GNAI1: variants seen among roughly 807,000 people sequenced by gnomAD.
GNAI1 encodes the protein guanine nucleotide-binding protein G(i) subunit alpha-1.
A neutral mutation model predicts 38.9 loss-of-function variants in GNAI1; 11 were observed. The observed-to-expected ratio is 0.28, with a 90% CI of 0.18 to 0.47. The LOEUF (loss-of-function observed/expected upper bound fraction) is 0.47. GNAI1 is among the 20% of genes least tolerant of loss of function. GNAI1 has a pLI of 0.99. For synonymous variants in GNAI1, 166 were observed against 145.1 expected (o/e 1.14, Z -1.04); for missense variants, 317 against 436.9 (o/e 0.73, Z 2.45).
chr7:80,221,658 T>G lies in GNAI1; in HGVS notation c.*4165T>G, dbSNP rs1023139223. 4.4e-5 allele frequency among the ~76,000 whole-genome samples: 6 copies of G among 135,676 alleles called. No homozygotes were observed. Among genetic ancestry groups the G allele is most frequent in the Non-Finnish European group, 9.7e-5 (6 of 61,826 alleles). 89.0% of individuals were successfully genotyped at this position (135,676 alleles called of 152,430 possible). A position where few individuals can be genotyped will look rare whatever the true frequency, so the allele number is the denominator to read the frequency against. Reference sequence around the variant, plus strand: ...TTTCTTTTTTTTTTTTTTTTTTTTTTTTTGGTATGGAGTCTTGCTCCTTCA... The same window carrying G: ...TTTCTTTTTTTTTTTTTTTTTTTTTGTTTGGTATGGAGTCTTGCTCCTTCA... On this transcript the variant is annotated 3_prime_UTR_variant, in exon 8 of 8. Coordinates refer to ENST00000649796, the MANE Select transcript of GNAI1 (RefSeq NM_002069.6).
chr7:80,183,922 G>A (rs1340995937), intron 1 of GNAI1, among the ~76,000 whole-genome samples: 2 of 152,252 alleles, frequency 1.3e-5, no homozygotes, highest in Admixed American at 1.3e-4. Flanking sequence ...GTAGGCTGCT[G>A]TATGTTTGAG....
intron 1 of GNAI1, among the ~76,000 whole-genome samples, chr7:80,160,761 G>A (rs1249332957): frequency 6.6e-6 from 1 of 152,052 alleles, no homozygotes; most frequent in African/African-American, 2.4e-5. Flanking sequence ...ATTAAGGAGA[G>A]TATTTTGGTA....
intron 1 of GNAI1, among the ~76,000 whole-genome samples, chr7:80,146,704 A>G (rs1388504662): frequency 1.3e-5 from 2 of 152,158 alleles, no homozygotes; most frequent in Non-Finnish European, 2.9e-5. Flanking sequence ...AGTCCATCTC[A>G]GAGTCCTAGA....
At chr7:80,139,552 A>G (rs542410161) in intron 1 of GNAI1, among the ~76,000 whole-genome samples, 85 of 152,266 alleles carry the variant, frequency 5.6e-4, no homozygotes, top group African/African-American at 1.7e-3. Context: ...GAATTTTTGT[A>G]GGTTTTCTTT....
intron 1 of GNAI1, among the ~76,000 whole-genome samples, chr7:80,183,244 A>G (rs772682375): frequency 1.4e-4 from 21 of 152,230 alleles, no homozygotes; most frequent in Non-Finnish European, 2.9e-4. Flanking sequence ...TTCAACAGGG[A>G]GAATTGAACG....
At chr7:80,178,879 A>G (rs1788241962) in intron 1 of GNAI1, among the ~76,000 whole-genome samples, 1 of 152,224 alleles carries the variant, frequency 6.6e-6, no homozygotes, top group Non-Finnish European at 1.5e-5. Flanking sequence ...AGAAGTTACC[A>G]CTTCTCAAAT....
In GNAI1 at chr7:80,222,382, A is replaced by ATTTTTTTTTTTTTTT. The variant is rs67345654; in HGVS notation, c.*4894_*4908dup. Reference sequence around the variant, plus strand: ...TGAAGGAGCTAGTTCTTCAAATTTAATTTTTTTTTTTTTTTTTTTCCTGAG... The same window carrying ATTTTTTTTTTTTTTT: ...TGAAGGAGCTAGTTCTTCAAATTTAATTTTTTTTTTTTTTTTTTTTTTTTTTTTTTTTTTCCTGAG... On this transcript the variant is annotated 3_prime_UTR_variant, in exon 8 of 8. Coordinates refer to ENST00000649796, the MANE Select transcript of GNAI1 (RefSeq NM_002069.6). Among the ~76,000 whole-genome samples the ATTTTTTTTTTTTTTT allele has an allele frequency of 7.8e-6, 1 of 127,874 alleles. No homozygotes were observed. 83.9% of individuals were successfully genotyped at this position (127,874 alleles called of 152,430 possible). A position where few individuals can be genotyped will look rare whatever the true frequency, so the allele number is the denominator to read the frequency against.
intron 1 of GNAI1, among the ~76,000 whole-genome samples, chr7:80,185,683 T>C (rs1788374218): frequency 6.6e-6 from 1 of 152,152 alleles, no homozygotes; most frequent in South Asian, 2.1e-4. Flanking sequence ...CATATTGACT[T>C]GGCATGCACA....
At chr7:80,202,776 A>C (rs567819141) in intron 4 of GNAI1, among the ~76,000 whole-genome samples, 1 of 152,318 alleles carries the variant, frequency 6.6e-6, no homozygotes, top group East Asian at 1.9e-4. Flanking sequence ...AGCTGACCTT[A>C]GGACTCATTC....
At chr7:80,201,585 A>T (rs905955561) in intron 4 of GNAI1, among the ~76,000 whole-genome samples, 12 of 152,076 alleles carry the variant, frequency 7.9e-5, no homozygotes, top group African/African-American at 2.7e-4. Flanking sequence ...TTTAGCCAGC[A>T]TGGTGGCCCA....
intron 1 of GNAI1, among the ~76,000 whole-genome samples, chr7:80,160,865 G>GA (rs767142622): frequency 5.0e-4 from 75 of 150,678 alleles, no homozygotes; most frequent in African/African-American, 1.7e-3. Flanking sequence ...CTAATTTTTA[G>GA]AAAAAAAAAT....
chr7:80,204,245 A>G (rs1788735086), intron 5 of GNAI1, among the ~76,000 whole-genome samples: 1 of 151,966 alleles, frequency 6.6e-6, no homozygotes, highest in Non-Finnish European at 1.5e-5. Flanking sequence ...ACCTTTAACA[A>G]TTTTTTCGTG....
At chr7:80,169,781 A>G (rs1473223136) in intron 1 of GNAI1, among the ~76,000 whole-genome samples, 2 of 152,198 alleles carry the variant, frequency 1.3e-5, no homozygotes, top group Non-Finnish European at 2.9e-5. Flanking sequence ...CAATTTTGGA[A>G]TATTTATATT....
chr7:80,165,084 G>T (rs1787990314), intron 1 of GNAI1, among the ~76,000 whole-genome samples: 1 of 152,096 alleles, frequency 6.6e-6, no homozygotes, highest in Non-Finnish European at 1.5e-5. Flanking sequence ...GAAGGGAATT[G>T]ATTTAGGCTG....
At chr7:80,178,856 T>C (rs1788241611) in intron 1 of GNAI1, among the ~76,000 whole-genome samples, 1 of 152,198 alleles carries the variant, frequency 6.6e-6, no homozygotes, top group South Asian at 2.1e-4. Context: ...TTCTACACTG[T>C]AATCAAACTT....
rs2115738559 is a variant in GNAI1, at chr7:80,220,919, A to T, written c.*3426A>T. 6.6e-6 allele frequency among the ~76,000 whole-genome samples: 1 copy of T among 152,308 alleles called. No homozygotes were observed. The highest frequency in any genetic ancestry group is 2.1e-4 in the South Asian group (1 of 4,830). ...TGAGCCATAATAGTTTTTCAGATTT[A>T]AAAAAGGAGATACTTATTAATGTCT... On this transcript the variant is annotated 3_prime_UTR_variant, in exon 8 of 8. Coordinates refer to ENST00000649796, the MANE Select transcript of GNAI1 (RefSeq NM_002069.6).
intron 1 of GNAI1, among the ~76,000 whole-genome samples, chr7:80,143,954 ATG>A (rs201838916): frequency 1.5e-3 from 232 of 150,254 alleles, no homozygotes; most frequent in African/African-American, 2.6e-3. Flanking sequence ...GTGTGCATAT[ATG>A]TGTGTGTGTG....
intron 1 of GNAI1, among the ~76,000 whole-genome samples, chr7:80,151,701 G>T (rs1239706816): frequency 6.6e-6 from 1 of 152,204 alleles, no homozygotes; most frequent in Non-Finnish European, 1.5e-5. Context: ...AAATACATCT[G>T]CCTCTAACTT....
chr7:80,177,666 T>TG (rs1788212741), intron 1 of GNAI1, among the ~76,000 whole-genome samples: 1 of 152,094 alleles, frequency 6.6e-6, no homozygotes, highest in Non-Finnish European at 1.5e-5. Context: ...TTTGTAGAGT[T>TG]GGGGGTCTTG....
Sources: allele counts gnomAD v4.1 joint callset (sites outside exome capture counted in the v4.1 genomes callset), GRCh38; gene constraint gnomAD v4.1.1; transcripts MANE v1.5; gene names NCBI Gene and HGNC (gene_info 2026-07-23, HGNC 2026-07-21).